The following UNC13B variants were observed in gnomAD, a reference collection of about 807,000 sequenced individuals.
The protein encoded by UNC13B is unc-13 homolog B, also known as protein unc-13 homolog B.
UNC13B carries 144 observed loss-of-function variants against 211.0 expected under a neutral mutation model. That is an observed-to-expected ratio of 0.68 (90% confidence interval 0.60 to 0.78). UNC13B has a LOEUF of 0.78. Ranked by LOEUF, UNC13B falls within the 30% of genes least tolerant of loss-of-function variation. UNC13B has a pLI of 0.00. For missense variants in UNC13B, 1,777 were observed against 2,002.0 expected, an observed-to-expected ratio of 0.89 and a Z score of 2.14; for synonymous variants, 709 against 725.8, an observed-to-expected ratio of 0.98 and a Z score of 0.37.
At chr9:35,336,668 G>A (rs1831677980) in intron 11 of UNC13B, among the ~76,000 whole-genome samples, 1 of 151,980 alleles carries the variant, frequency 6.6e-6, no homozygotes, top group South Asian at 2.1e-4. Flanking sequence ...ACTCCTGTGG[G>A]CCTCTTTTAT....
intron 15 of UNC13B, 76 bp downstream of exon 15, chr9:35,376,323 G>A: frequency 6.9e-7 from 1 of 1,456,050 alleles, no homozygotes; most frequent in Non-Finnish European, 9.4e-7. Context: ...CAAAGAGCTG[G>A]GATGGCTGAA....
intron 13 of UNC13B, 44 bp from the exon 14 acceptor site, chr9:35,375,083 G>A (rs1834308954): frequency 6.2e-7 from 1 of 1,609,982 alleles, no homozygotes; most frequent in Non-Finnish European, 8.5e-7. Flanking sequence ...GACTTTGCCA[G>A]CCCTTGGCAG....
Position 35,304,282 on chromosome 9 carries a change from T to C in UNC13B, c.4878T>C (p.Asn1626=). ...LPRSEEPLYL[N]LETFSQVLKE... The stretch of plus-strand genomic sequence containing the variant: ...GAAGTGAGGAACCATTGTATCTAAA[T>C]TTAGAAACCTTTTCACAAGTACTTA... The change falls in exon 9 of 40, where the codon AAT becomes AAC. Residue 1626 remains asparagine (N), a synonymous_variant. Coordinates refer to ENST00000635942, the MANE Select transcript of UNC13B (RefSeq NM_001371189.2). The C allele has an allele frequency of 2.5e-6, 1 of 398,770 alleles. No homozygotes were observed. Among genetic ancestry groups the C allele is most frequent in the Non-Finnish European group, 4.4e-6 (1 of 225,896 alleles). 24.7% of individuals were successfully genotyped at this position (398,770 alleles called of 1,614,324 possible).
At chr9:35,232,269 C>T (rs535345655) in intron 3 of UNC13B, among the ~76,000 whole-genome samples, 1 of 140,530 alleles carries the variant, frequency 7.1e-6, no homozygotes, top group South Asian at 2.4e-4. Context: ...CAGCCTCTAA[C>T]TCCTGGGCTT....
chr9:35,355,222 C>T (rs1338643871), intron 11 of UNC13B, among the ~76,000 whole-genome samples: 1 of 152,128 alleles, frequency 6.6e-6, no homozygotes, highest in African/African-American at 2.4e-5. Context: ...ATAATGTCTG[C>T]TTGTATATGT....
intron 7 of UNC13B, among the ~76,000 whole-genome samples, chr9:35,261,657 TAATA>T (rs1436137827): frequency 2.0e-5 from 3 of 152,176 alleles, no homozygotes; most frequent in Non-Finnish European, 4.4e-5. Flanking sequence ...TAAAAATGTG[TAATA>T]AATTATTGTT....
intron 1 of UNC13B, among the ~76,000 whole-genome samples, chr9:35,202,815 CAG>C (rs888468378): frequency 7.0e-6 from 1 of 143,420 alleles, no homozygotes; most frequent in Admixed American, 7.1e-5. Flanking sequence ...TTTTTTGAGA[CAG>C]AGTCTCGCTC....
At chr9:35,228,597 T>C (rs1825002019) in intron 2 of UNC13B, among the ~76,000 whole-genome samples, 1 of 152,138 alleles carries the variant, frequency 6.6e-6, no homozygotes, top group Admixed American at 6.5e-5. Context: ...TGTGTATATG[T>C]ATCTATTGGG....
intron 31 of UNC13B, 92 bp downstream of exon 31, chr9:35,398,380 C>T: frequency 1.4e-6 from 2 of 1,469,556 alleles, no homozygotes; most frequent in South Asian, 1.2e-5. Context: ...TAGGTGTAGG[C>T]CAGGAATTTA....
chr9:35,398,160 G>A, intron 30 of UNC13B, 51 bp from the exon 31 acceptor site: 2 of 1,557,040 alleles, frequency 1.3e-6, no homozygotes, highest in East Asian at 2.3e-5. Flanking sequence ...TAGGCTAATG[G>A]GTCCTATGCT....
chr9:35,329,659 T>C (rs1330844904), intron 11 of UNC13B, among the ~76,000 whole-genome samples: 1 of 152,042 alleles, frequency 6.6e-6, no homozygotes, highest in Non-Finnish European at 1.5e-5. Context: ...AGCTAATTTT[T>C]TATATTTTTT....
chr9:35,231,042 C>T, intron 2 of UNC13B, 78 bp from the exon 3 acceptor site: 1 of 937,372 alleles, frequency 1.1e-6, no homozygotes. Flanking sequence ...TTCTATATTG[C>T]TTAATTCCAA....
chr9:35,273,354 T>C (rs1444915877), intron 7 of UNC13B, among the ~76,000 whole-genome samples: 1 of 152,188 alleles, frequency 6.6e-6, no homozygotes, highest in Non-Finnish European at 1.5e-5. Flanking sequence ...CATTTTCAAC[T>C]CTTACTGTCA....
chr9:35,257,718 A>T (rs960315593), intron 6 of UNC13B, among the ~76,000 whole-genome samples: 2 of 151,246 alleles, frequency 1.3e-5, no homozygotes, highest in Non-Finnish European at 2.9e-5. Context: ...AACAGTATCT[A>T]CCTCTGACAT....
At chr9:35,343,796 G>A (rs1832173903) in intron 11 of UNC13B, among the ~76,000 whole-genome samples, 1 of 151,832 alleles carries the variant, frequency 6.6e-6, no homozygotes, top group Admixed American at 6.6e-5. Flanking sequence ...TGTGACTGCT[G>A]AGTACTTAAA....
intron 1 of UNC13B, among the ~76,000 whole-genome samples, chr9:35,181,365 T>C (rs530964807): frequency 2.6e-5 from 4 of 152,366 alleles, no homozygotes; most frequent in African/African-American, 9.6e-5. Flanking sequence ...TATTGCTGTG[T>C]CTCAGTGATC....
chr9:35,330,578 T>A (rs1317192513), intron 11 of UNC13B, among the ~76,000 whole-genome samples: 1 of 152,208 alleles, frequency 6.6e-6, no homozygotes, highest in Non-Finnish European at 1.5e-5. Flanking sequence ...GAGGAAGAAG[T>A]CAACGGAAGC....
Position 35,300,257 on chromosome 9 carries a change from G to A in UNC13B, c.853G>A (p.Glu285Lys), listed in dbSNP as rs1829607995. Residue 285 changes from glutamate (E) to lysine (K), a missense_variant, in exon 9 of 40, where the codon GAG becomes AAG. Coordinates refer to ENST00000635942, the MANE Select transcript of UNC13B (RefSeq NM_001371189.2). Reference sequence around the variant, plus strand: ...AGACAGTGAAAGAAGGCAATATGGTGAGAGATCTGAAACTAAGACTAACTA... The same window carrying A: ...AGACAGTGAAAGAAGGCAATATGGTAAGAGATCTGAAACTAAGACTAACTA... ...FEDSERRQYG[E>K]RSETKTNYKS... 4 of 398,884 alleles carry A rather than the reference G, an allele frequency of 1.0e-5. No individual in the cohort carries two copies. The highest frequency in any genetic ancestry group is 4.1e-5 in the African/African-American group (2 of 48,740). 24.7% of individuals were successfully genotyped at this position (398,884 alleles called of 1,614,324 possible). A position where few individuals can be genotyped will look rare whatever the true frequency, so the allele number is the denominator to read the frequency against.
rs779031727 is a variant in UNC13B at position 35,403,882 on chromosome 9, G to A, written c.12872G>A (p.Cys4291Tyr). Reference protein sequence around the residue: ...PLRDVTAKGSCACWCPLGRKI... With the variant: ...PLRDVTAKGSYACWCPLGRKI... ...AGGGATGTCACAGCCAAGGGCAGCT[G>A]TGCCTGCTGGTGCCCCTTGGGCCGG... The change falls in exon 40 of 40, where the codon TGT becomes TAT. Residue 4291 changes from cysteine to tyrosine, a missense_variant. Cys to Tyr is a radical substitution (Grantham distance 194, BLOSUM62 -2). Transcript: ENST00000635942. 2 of 1,614,082 alleles carry A rather than the reference G, an allele frequency of 1.2e-6. No individual in the cohort carries two copies. Among genetic ancestry groups the A allele is most frequent in the Non-Finnish European group, 1.7e-6 (2 of 1,180,038 alleles).
Sources: gnomAD v4.1 joint callset for allele counts (sites outside exome capture counted in the v4.1 genomes callset) on GRCh38, gnomAD v4.1.1 for gene constraint, MANE v1.5 for transcripts, NCBI Gene and HGNC (gene_info 2026-07-23, HGNC 2026-07-21) for gene names.